RPS6KC1: variants seen among roughly 807,000 people sequenced by gnomAD.
The protein encoded by RPS6KC1 is ribosomal protein S6 kinase C1.
A neutral mutation model predicts 103.8 loss-of-function variants in RPS6KC1; 54 were observed. That is an observed-to-expected ratio of 0.52 (90% CI 0.42 to 0.65). RPS6KC1 has a LOEUF of 0.65. Ranked by LOEUF, RPS6KC1 falls within the 30% of genes least tolerant of loss-of-function variation. The pLI, the probability that RPS6KC1 is intolerant of heterozygous loss-of-function variation, is 0.00. For missense variants in RPS6KC1, 1,151 were observed against 1,253.8 expected (o/e 0.92, Z 1.24); for synonymous variants, 439 against 438.7 (o/e 1.00, Z -0.01).
At chr1:213,077,892 A>G (rs564617313) in intron 3 of RPS6KC1, 76 bp downstream of exon 3, 2 of 745,360 alleles carry the variant, frequency 2.7e-6, no homozygotes, top group African/African-American at 1.8e-5. Context: ...ACATAACTAC[A>G]CTATGAAGTC....
intron 7 of RPS6KC1, among the ~76,000 whole-genome samples, chr1:213,175,150 C>G (rs2091781489): frequency 6.6e-6 from 1 of 152,208 alleles, no homozygotes; most frequent in African/African-American, 2.4e-5. Flanking sequence ...TAACCTCCCT[C>G]CCTAGATTCC....
the RPS6KC1 span, among the ~76,000 whole-genome samples, chr1:213,574,367 C>T: frequency 6.6e-6 from 1 of 152,148 alleles, no homozygotes; most frequent in African/African-American, 2.4e-5. Context: ...TTGGTTATTC[C>T]TCCTAAAGGC....
At chr1:213,135,034 C>A (rs374952154) in intron 6 of RPS6KC1, among the ~76,000 whole-genome samples, 83 of 152,170 alleles carry the variant, frequency 5.5e-4, no homozygotes, top group African/African-American at 1.8e-3. Flanking sequence ...TCAGTCTTAC[C>A]GTGGAATATG....
chr1:213,592,236 G>A, the RPS6KC1 span, among the ~76,000 whole-genome samples: 1 of 152,154 alleles, frequency 6.6e-6, no homozygotes, highest in Non-Finnish European at 1.5e-5. Flanking sequence ...AGAAAAAAGA[G>A]AAAATGATGA....
chr1:213,173,809 C>T (rs1354393412), intron 7 of RPS6KC1, among the ~76,000 whole-genome samples: 2 of 152,188 alleles, frequency 1.3e-5, no homozygotes, highest in East Asian at 3.8e-4. Context: ...ATAGCCCTTT[C>T]AGTTATCATG....
At chr1:213,438,461 C>T in the RPS6KC1 span, among the ~76,000 whole-genome samples, 2 of 152,094 alleles carry the variant, frequency 1.3e-5, no homozygotes, top group African/African-American at 4.8e-5. Context: ...TACTCTGAGT[C>T]AATTGTGAAT....
chr1:213,713,251 G>T, the RPS6KC1 span, among the ~76,000 whole-genome samples: 1,584 of 152,196 alleles, frequency 0.01, 25 homozygotes, highest in African/African-American at 0.036. Context: ...ATGTATAAAA[G>T]TTTCATATCG....
At chr1:213,718,369 T>C in the RPS6KC1 span, among the ~76,000 whole-genome samples, 926 of 152,292 alleles carry the variant, frequency 6.1e-3, 2 homozygotes, top group South Asian at 0.012. Flanking sequence ...GGATAGACAT[T>C]ATTATCCTCC....
chr1:213,411,397 A>G, the RPS6KC1 span, among the ~76,000 whole-genome samples: 1 of 152,180 alleles, frequency 6.6e-6, no homozygotes, highest in Non-Finnish European at 1.5e-5. Context: ...ACAGTAGGCC[A>G]TCGGGCTTTT....
the RPS6KC1 span, among the ~76,000 whole-genome samples, chr1:213,813,895 C>T: frequency 6.6e-6 from 1 of 152,124 alleles, no homozygotes; most frequent in African/African-American, 2.4e-5. Flanking sequence ...ACCTTGAAGT[C>T]CCTGAATTTG....
the RPS6KC1 span, among the ~76,000 whole-genome samples, chr1:213,728,414 G>T: frequency 6.6e-6 from 1 of 152,188 alleles, no homozygotes; most frequent in South Asian, 2.1e-4. Flanking sequence ...ATCCCTTCTC[G>T]TGGAGCTCAT....
intron 6 of RPS6KC1, among the ~76,000 whole-genome samples, chr1:213,155,196 A>G (rs954518176): frequency 6.6e-6 from 1 of 152,030 alleles, no homozygotes; most frequent in Non-Finnish European, 1.5e-5. Context: ...TTTTGGAGCT[A>G]TGAGCTGTGC....
At chr1:213,233,600 T>C (rs2148882124) in intron 10 of RPS6KC1, among the ~76,000 whole-genome samples, 1 of 152,328 alleles carries the variant, frequency 6.6e-6, no homozygotes, top group Middle Eastern at 3.4e-3. Context: ...TATCTTCCTC[T>C]TCTTCCTCTT....
chr1:213,399,364 T>C, the RPS6KC1 span, among the ~76,000 whole-genome samples: 105 of 152,294 alleles, frequency 6.9e-4, 2 homozygotes, highest in South Asian at 6.8e-3. Context: ...CTTGTAAGAC[T>C]GAGCTAGCAG....
intron 12 of RPS6KC1, among the ~76,000 whole-genome samples, chr1:213,260,168 AAGAACGTT>A (rs2094751529): frequency 1.3e-5 from 2 of 152,244 alleles, no homozygotes; most frequent in South Asian, 4.1e-4. Flanking sequence ...AAATAGTTCT[AAGAACGTT>A]AGGAGACTTC....
chr1:213,568,656 A>G, the RPS6KC1 span, among the ~76,000 whole-genome samples: 7,150 of 152,252 alleles, frequency 0.047, 370 homozygotes, highest in East Asian at 0.29. Context: ...CTCTGCAGTA[A>G]ACAATATCAT....
the RPS6KC1 span, among the ~76,000 whole-genome samples, chr1:213,382,046 C>T: frequency 6.6e-6 from 1 of 152,140 alleles, no homozygotes; most frequent in Non-Finnish European, 1.5e-5. Context: ...CACCAAATGC[C>T]GATTTTTTTG....
the RPS6KC1 span, among the ~76,000 whole-genome samples, chr1:213,756,959 G>A: frequency 6.6e-6 from 1 of 152,112 alleles, no homozygotes; most frequent in African/African-American, 2.4e-5. Context: ...TGCAATCAGT[G>A]ATCTTTGATA....
chr1:213,077,191 A>G (rs959978516), intron 2 of RPS6KC1, among the ~76,000 whole-genome samples: 9 of 152,216 alleles, frequency 5.9e-5, no homozygotes, highest in Admixed American at 2.6e-4. Context: ...TTAGGCAAAT[A>G]CCGAGTATGT....
Sources: allele counts gnomAD v4.1 joint callset (sites outside exome capture counted in the v4.1 genomes callset), GRCh38; gene constraint gnomAD v4.1.1; transcripts MANE v1.5; gene names NCBI Gene and HGNC (gene_info 2026-07-23, HGNC 2026-07-21).